RMDN1: variants seen among roughly 807,000 people sequenced by gnomAD.
RMDN1 encodes the protein regulator of microtubule dynamics protein 1.
In RMDN1, 48 loss-of-function variants were observed where a neutral mutation model predicts 48.9. The observed-to-expected ratio is 0.98, with a 90% confidence interval of 0.78 to 1.25. RMDN1 has a LOEUF of 1.25. Among genes scored for constraint, RMDN1 ranks in the 50% most tolerant of loss-of-function variants. The pLI is 0.00. For synonymous variants in RMDN1, 148 were observed against 132.6 expected (o/e 1.12, Z -0.80); for missense variants, 418 against 373.4 (o/e 1.12, Z -0.98).
At chr8:86,470,527 AC>A, downstream of RMDN1, 1 of 801,854 alleles carries the variant, frequency 1.2e-6, no homozygotes. Flanking sequence ...AGATAAAAGG[AC>A]CCAGGAGCCA....
intron 8 of RMDN1, among the ~76,000 whole-genome samples, chr8:86,476,885 G>A (rs1813468565): frequency 1.3e-5 from 2 of 151,986 alleles, no homozygotes; most frequent in Admixed American, 1.3e-4. Context: ...TTTTTTGGTA[G>A]AGATGAGGTC....
chr8:86,514,243 T>G (rs1040860189), exon 1 of RMDN1: 1 of 984,930 alleles, frequency 1.0e-6, no homozygotes, highest in Non-Finnish European at 1.2e-6. Flanking sequence ...ACCACTTACC[T>G]TAAAGTCAGT....
intron 2 of RMDN1, among the ~76,000 whole-genome samples, chr8:86,490,023 T>TC (rs1816233632): frequency 6.6e-6 from 1 of 152,016 alleles, no homozygotes; most frequent in Admixed American, 6.6e-5. Context: ...TTCTCAGTAA[T>TC]CCCACTTCAT....
chr8:86,470,547 G>T (rs1323915069), downstream of RMDN1: 11 of 554,488 alleles, frequency 2.0e-5, no homozygotes, highest in Non-Finnish European at 3.0e-5. Context: ...CACACTCCTG[G>T]GCATGTATCC....
Position 86,484,855 on chromosome 8 carries a change from G to T in RMDN1, c.585+17C>A. 1 of 1,467,952 alleles carries T rather than the reference G, an allele frequency of 6.8e-7. No individual in the cohort carries two copies. The highest frequency in any genetic ancestry group is 1.2e-5 in the South Asian group (1 of 82,704). The allele number at this position is 1,467,952 out of a possible 1,614,324, so 90.9% of individuals were successfully genotyped here. On this transcript the variant is annotated intron_variant, in intron 5 of 9. Coordinates refer to ENST00000406452, the MANE Select transcript of RMDN1 (RefSeq NM_016033.3). ...TATGACTTTTAAAATTCATGAATTTGAATAATTCATCAGTACCTCAAAATG... is the reference window on the plus strand; with the variant it reads ...TATGACTTTTAAAATTCATGAATTTTAATAATTCATCAGTACCTCAAAATG...
At chr8:86,507,607 TG>T (rs1234532545) in intron 1 of RMDN1, among the ~76,000 whole-genome samples, 6 of 152,172 alleles carry the variant, frequency 3.9e-5, no homozygotes, top group Non-Finnish European at 5.9e-5. Context: ...CCCAAAGTGC[TG>T]GGATTACAGG....
intron 5 of RMDN1, among the ~76,000 whole-genome samples, chr8:86,484,483 C>A (rs944632703): frequency 1.3e-5 from 2 of 152,058 alleles, no homozygotes; most frequent in African/African-American, 4.8e-5. Flanking sequence ...TTTGAAAGGC[C>A]GAGGCAGGTG....
At chr8:86,479,346 C>T (rs1008313114) in intron 6 of RMDN1, among the ~76,000 whole-genome samples, 9 of 152,164 alleles carry the variant, frequency 5.9e-5, no homozygotes, top group African/African-American at 2.2e-4. Context: ...CCCTATTTTT[C>T]TTATAAGAAA....
At chr8:86,503,262 G>A (rs2131244900) in intron 2 of RMDN1, among the ~76,000 whole-genome samples, 2 of 151,616 alleles carry the variant, frequency 1.3e-5, no homozygotes, top group South Asian at 4.2e-4. Context: ...TGAGGCAGGA[G>A]AATGGCTAGA....
Position 86,474,361 on chromosome 8 carries a change from A to G in RMDN1, c.895-3T>C. ...AACTGAGCAGCTTCTGTCTGTATCTAAAATGGAAAAATACATGTTATAAGT... is the reference window on the plus strand; with the variant it reads ...AACTGAGCAGCTTCTGTCTGTATCTGAAATGGAAAAATACATGTTATAAGT... On this transcript the variant is annotated splice_polypyrimidine_tract_variant and splice_region_variant and intron_variant, in intron 9 of 9. Coordinates refer to ENST00000406452, the MANE Select transcript of RMDN1 (RefSeq NM_016033.3). The G allele has an allele frequency of 6.3e-7, 1 of 1,598,284 alleles. No homozygotes were observed. The highest frequency in any genetic ancestry group is 1.1e-5 in the South Asian group (1 of 90,628).
Position 86,474,199 on chromosome 8 carries a change from T to G in RMDN1, c.*109A>C. On this transcript the variant is annotated 3_prime_UTR_variant, in exon 10 of 10. Transcript: ENST00000406452. ...ATTTTATATTTACACGGTTAAATGG[T>G]CACAACATTTAAAAAGCCGTAGAAC... The G allele has an allele frequency of 6.6e-7, 1 of 1,516,588 alleles. No homozygotes were observed. The highest frequency in any genetic ancestry group is 1.4e-5 in the African/African-American group (1 of 71,522). The allele number at this position is 1,516,588 out of a possible 1,614,324, so 93.9% of individuals were successfully genotyped here.
chr8:86,506,864 G>A (rs946164121), intron 2 of RMDN1, 131 bp downstream of exon 2: 1 of 583,532 alleles, frequency 1.7e-6, no homozygotes, highest in African/African-American at 1.9e-5. Flanking sequence ...TTCTCACTGA[G>A]CAGATTGTGA....
chr8:86,487,251 A>G (rs1460890091), intron 3 of RMDN1, among the ~76,000 whole-genome samples: 2 of 152,206 alleles, frequency 1.3e-5, no homozygotes. Flanking sequence ...ATTTCCATAT[A>G]ATGACATAAG....
chr8:86,469,565 G>T (rs1477001033), downstream of RMDN1, among the ~76,000 whole-genome samples: 2 of 152,158 alleles, frequency 1.3e-5, no homozygotes, highest in Non-Finnish European at 2.9e-5. Context: ...GAGCTGTGTG[G>T]TTCCTGTCCT....
At chr8:86,482,833 G>C (rs1814768239) in intron 5 of RMDN1, 1 of 1,119,298 alleles carries the variant, frequency 8.9e-7, no homozygotes, top group South Asian at 1.2e-5. Flanking sequence ...CTTTGGGGAG[G>C]TCACTGCGAG....
At chr8:86,486,447 C>T (rs1815473452) in intron 4 of RMDN1, 37 bp downstream of exon 4, 1 of 1,397,422 alleles carries the variant, frequency 7.2e-7, no homozygotes, top group Admixed American at 2.2e-5. Context: ...AAATGTACCT[C>T]TCAGTACATG....
In RMDN1 at chr8:86,504,961, C is replaced by CAT. The variant is rs1424723111; in HGVS notation, c.247+2032_247+2033dup. ...CATGGCAGGGCTTTTGAGGATATCA[C>CAT]ATGGGCCTTTAAAAGGCAGGCACAT... is the stretch of plus-strand genomic sequence containing the variant. On this transcript the variant is annotated intron_variant, in intron 2 of 9. Transcript: ENST00000406452. 1.3e-4 allele frequency: 176 copies of CAT among 1,372,746 alleles called. 1 individual carries two copies. The East Asian group carries it at 4.0e-3, about 31-fold the overall frequency. 85.0% of individuals were successfully genotyped at this position (1,372,746 alleles called of 1,614,324 possible).
rs1031959061 is a variant in RMDN1, at chr8:86,474,200, CACA to C, written c.*105_*107del. On this transcript the variant is annotated 3_prime_UTR_variant, in exon 10 of 10. Coordinates refer to ENST00000406452, the MANE Select transcript of RMDN1 (RefSeq NM_016033.3). ...TTTTATATTTACACGGTTAAATGGT[CACA>C]ACATTTAAAAAGCCGTAGAACAGTT... The C allele has an allele frequency of 8.6e-6, 13 of 1,516,000 alleles. No homozygotes were observed. In the Middle Eastern group the frequency reaches 6.9e-4, roughly 81 times the overall value. 93.9% of individuals were successfully genotyped at this position (1,516,000 alleles called of 1,614,324 possible).
intron 5 of RMDN1, among the ~76,000 whole-genome samples, chr8:86,481,137 G>C (rs1586624208): frequency 6.6e-6 from 1 of 152,046 alleles, no homozygotes; most frequent in African/African-American, 2.4e-5. Context: ...TTTGCTTTCA[G>C]TTTAGTAATG....
Sources: allele counts gnomAD v4.1 joint callset (sites outside exome capture counted in the v4.1 genomes callset), GRCh38; gene constraint gnomAD v4.1.1; transcripts MANE v1.5; gene names NCBI Gene and HGNC (gene_info 2026-07-23, HGNC 2026-07-21).